Variants in MPC2 observed in about 807,000 individuals in gnomAD.
MPC2 encodes the protein mitochondrial pyruvate carrier 2.
MPC2 carries 19 observed loss-of-function variants against 19.2 expected under a neutral mutation model. The ratio of observed to expected loss-of-function variants is 0.99; its 90% CI spans 0.69 to 1.45. The LOEUF is 1.45. Among genes scored for constraint, MPC2 ranks in the 40% most tolerant of loss-of-function variants. The pLI is 0.00. For synonymous variants in MPC2, 61 were observed against 54.3 expected, an observed-to-expected ratio of 1.12 and a Z score of -0.54; for missense variants, 122 against 153.0, an observed-to-expected ratio of 0.80 and a Z score of 1.07.
At chr1:167,936,691 T>C (rs1162333041) in intron 1 of MPC2, 1 of 517,602 alleles carries the variant, frequency 1.9e-6, no homozygotes, top group Non-Finnish European at 3.4e-6. Flanking sequence ...TTGGATGTTC[T>C]GGTTAGTCTA....
In MPC2 at chr1:167,920,579, C is replaced by T; in HGVS notation, c.203G>A (p.Ser68Asn). ...ADMARPAEKL[S>N]TAQSAVLMAT... is the part of the protein sequence containing the mutation. The stretch of plus-strand genomic sequence containing the variant: ...CATCAAAACAGCAGATTGAGCTGTG[C>T]TAAGTTTTTCTGCAGGTCTGGCCAT... Residue 68 changes from serine to asparagine, a missense_variant, in exon 4 of 6, where the codon AGC becomes AAC. Ser to Asn is a conservative substitution (Grantham distance 46). Coordinates refer to ENST00000271373, the MANE Select transcript of MPC2 (RefSeq NM_001143674.4). 1 of 1,613,952 alleles carries T rather than the reference C, an allele frequency of 6.2e-7. No homozygotes were observed. The highest frequency in any genetic ancestry group is 1.1e-5 in the South Asian group (1 of 91,074).
intron 2 of MPC2, among the ~76,000 whole-genome samples, chr1:167,932,808 C>CAAAAAA (rs965449372): frequency 1.3e-4 from 7 of 54,612 alleles, no homozygotes; most frequent in African/African-American, 2.2e-4. Context: ...GACTCTGTCT[C>CAAAAAA]AAAAAAAAAA....
intron 5 of MPC2, among the ~76,000 whole-genome samples, chr1:167,919,549 C>G (rs2102526339): frequency 6.6e-6 from 1 of 152,290 alleles, no homozygotes; most frequent in African/African-American, 2.4e-5. Flanking sequence ...CGTATCATTT[C>G]CAATACTACA....
chr1:167,931,459 G>A (rs193040695), intron 2 of MPC2, among the ~76,000 whole-genome samples: 63 of 151,728 alleles, frequency 4.2e-4, no homozygotes, highest in Non-Finnish European at 8.4e-4. Context: ...ATCTATTTTA[G>A]TTATCTCTTA....
intron 1 of MPC2, chr1:167,936,381 C>T (rs1671215769): frequency 5.6e-6 from 1 of 177,168 alleles, no homozygotes; most frequent in Admixed American, 5.8e-5. Context: ...CCGCACAATT[C>T]TCTTGCTTCT....
chr1:167,924,714 T>C (rs1670689875), intron 2 of MPC2, among the ~76,000 whole-genome samples, 177 bp from the exon 3 acceptor site: 1 of 152,182 alleles, frequency 6.6e-6, no homozygotes. Context: ...CACCACAGTA[T>C]CACAGTACAG....
intron 2 of MPC2, among the ~76,000 whole-genome samples, chr1:167,926,810 T>G (rs1479581467): frequency 6.6e-6 from 1 of 152,220 alleles, no homozygotes; most frequent in African/African-American, 2.4e-5. Flanking sequence ...CAGTTCATGC[T>G]GTCCCTTCTC....
chr1:167,925,480 T>TATAC lies in MPC2; in HGVS notation c.110-944_110-943insGTAT, dbSNP rs1287063918. 1.1e-3 allele frequency among the ~76,000 whole-genome samples: 146 copies of TATAC among 134,856 alleles called. 1 individual carries two copies. The highest frequency in any genetic ancestry group is 3.9e-3 in the African/African-American group (140 of 35,532). 88.5% of individuals were successfully genotyped at this position (134,856 alleles called of 152,430 possible). ...ATATATATATATATATATATACATA[T>TATAC]ACATATACACACACATATATATATA... On this transcript the variant is annotated intron_variant, in intron 2 of 5. Transcript: ENST00000271373.
chr1:167,923,341 C>T (rs1670649229), intron 3 of MPC2, among the ~76,000 whole-genome samples: 2 of 152,062 alleles, frequency 1.3e-5, no homozygotes, highest in African/African-American at 4.8e-5. Context: ...GTGGTAAATA[C>T]ATACAATGGA....
intron 3 of MPC2, 69 bp from the exon 4 acceptor site, chr1:167,920,700 AGC>A (rs750395147): frequency 8.9e-5 from 129 of 1,450,296 alleles, no homozygotes; most frequent in Non-Finnish European, 5.1e-5. Context: ...CTTTAAATCA[AGC>A]ACAAGACATT....
chr1:167,924,939 AAT>A (rs1156976032), intron 2 of MPC2, among the ~76,000 whole-genome samples: 7 of 152,192 alleles, frequency 4.6e-5, no homozygotes, highest in Non-Finnish European at 1.5e-5. Context: ...TACTATAACA[AAT>A]AGTTGGGTAA....
At position 167,916,915 on chromosome 1, in the gene MPC2, G is replaced by C. The variant is rs1044487597; in HGVS notation, c.*1408C>G. On this transcript the variant is annotated 3_prime_UTR_variant, in exon 6 of 6. Coordinates refer to ENST00000271373, the MANE Select transcript of MPC2 (RefSeq NM_001143674.4). ...TCAGAACCTCTTCATTGTGGCCTAT[G>C]TCAAGCTCTCTAATCTTTTCTCCTC... 2 of 152,224 alleles carry C rather than the reference G, an allele frequency of 1.3e-5. No individual in the cohort carries two copies. The highest frequency in any genetic ancestry group is 4.8e-5 in the African/African-American group (2 of 41,458). The allele number at this position is 152,224 out of a possible 1,614,324, so 9.4% of individuals were successfully genotyped here. A position where few individuals can be genotyped will look rare whatever the true frequency, so the allele number is the denominator to read the frequency against.
intron 2 of MPC2, among the ~76,000 whole-genome samples, chr1:167,926,442 T>C (rs952048231): frequency 1.3e-5 from 2 of 152,236 alleles, no homozygotes; most frequent in African/African-American, 4.8e-5. Flanking sequence ...AAGGTTGGAA[T>C]TGAAGACATT....
chr1:167,920,693 T>G, intron 3 of MPC2, 62 bp from the exon 4 acceptor site: 1 of 1,489,920 alleles, frequency 6.7e-7, no homozygotes, highest in South Asian at 1.3e-5. Context: ...GTTTTAACTT[T>G]AAATCAAGCA....
At chr1:167,936,693 G>A (rs1035300285) in intron 1 of MPC2, 3 of 527,024 alleles carry the variant, frequency 5.7e-6, no homozygotes, top group Non-Finnish European at 1.0e-5. Flanking sequence ...GGATGTTCTG[G>A]TTAGTCTAAG....
At chr1:167,925,841 C>G (rs1016369165) in intron 2 of MPC2, among the ~76,000 whole-genome samples, 2 of 152,124 alleles carry the variant, frequency 1.3e-5, no homozygotes, top group African/African-American at 2.4e-5. Flanking sequence ...GCCACCGTGC[C>G]CGGCCACAAA....
At chr1:167,925,520 G>C (rs1288294117) in intron 2 of MPC2, among the ~76,000 whole-genome samples, 4 of 71,942 alleles carry the variant, frequency 5.6e-5, no homozygotes, top group Non-Finnish European at 1.1e-4. Context: ...TACAAACAAC[G>C]TTTTTTTTTT....
At chr1:167,919,907 C>CAAAA in intron 5 of MPC2, 72 bp downstream of exon 5, 5 of 885,032 alleles carry the variant, frequency 5.6e-6, no homozygotes, top group Admixed American at 2.9e-5. Context: ...GACCCCGTCT[C>CAAAA]AAAAAAAAAA....
Position 167,916,861 on chromosome 1 carries a change from T to A in MPC2, c.*1462A>T, listed in dbSNP as rs759398129. The stretch of plus-strand genomic sequence containing the variant: ...CAAATGAATTTAACAGTGTGGTTTA[T>A]GAAATGAAAGCAATAATAGTTTGAC... On this transcript the variant is annotated 3_prime_UTR_variant, in exon 6 of 6. Coordinates refer to ENST00000271373, the MANE Select transcript of MPC2 (RefSeq NM_001143674.4). 1 of 152,260 alleles carries A rather than the reference T, an allele frequency of 6.6e-6. No homozygotes were observed. Among genetic ancestry groups the A allele is most frequent in the South Asian group, 2.1e-4 (1 of 4,836 alleles). The allele number at this position is 152,260 out of a possible 1,614,324, so 9.4% of individuals were successfully genotyped here.
Sources: gnomAD v4.1 joint callset for allele counts (sites outside exome capture counted in the v4.1 genomes callset) on GRCh38, gnomAD v4.1.1 for gene constraint, MANE v1.5 for transcripts, NCBI Gene and HGNC (gene_info 2026-07-23, HGNC 2026-07-21) for gene names.